Variants in POLD2 observed in about 807,000 individuals in gnomAD.
POLD2 encodes the protein DNA polymerase delta subunit 2.
In POLD2, 31 loss-of-function variants were observed where a neutral mutation model predicts 48.8. The observed-to-expected ratio is 0.64, with a 90% CI of 0.48 to 0.86. The LOEUF is 0.86. Ranked by LOEUF, POLD2 falls within the 40% of genes least tolerant of loss-of-function variation. The pLI, the probability that POLD2 is intolerant of heterozygous loss-of-function variation, is 0.00. For missense variants in POLD2, 455 were observed against 610.1 expected (o/e 0.75, Z 2.68); for synonymous variants, 233 against 256.3 (o/e 0.91, Z 0.87).
chr7:44,116,830 T>C lies in POLD2; in HGVS notation c.767A>G (p.Asp256Gly). ...NLLSHSTQSRDSINKAKYLTK... is the reference protein window; with the variant it reads ...NLLSHSTQSRGSINKAKYLTK... ...TGGGCTCCATACCTTATTGATAGAATCCCTGCTCTGGGTGCTGTGGCTGAG... is the reference window on the plus strand; with the variant it reads ...TGGGCTCCATACCTTATTGATAGAACCCCTGCTCTGGGTGCTGTGGCTGAG... The change falls in exon 6 of 11, where the codon GAT (aspartate) becomes GGT (glycine). Residue 256 changes from aspartate (D) to glycine (G), a missense_variant. Physicochemically the swap from Asp to Gly is moderately conservative, Grantham distance 94. Coordinates refer to ENST00000610533, the MANE Select transcript of POLD2 (RefSeq NM_006230.4). The surrounding 1 kb of genome is among the most constrained non-coding windows in gnomAD (Gnocchi z 6.1). The C allele has an allele frequency of 6.2e-7, 1 of 1,613,722 alleles. No homozygotes were observed. Among genetic ancestry groups the C allele is most frequent in the Non-Finnish European group, 8.5e-7 (1 of 1,179,970 alleles).
chr7:44,118,224 A>T, intron 2 of POLD2, 160 bp from the exon 3 acceptor site: 3 of 804,866 alleles, frequency 3.7e-6, no homozygotes. Context: ...TCACGGTGAC[A>T]GTAAAAAGTG....
chr7:44,117,267 G>T lies in POLD2; in HGVS notation c.467-20C>A. 1 of 1,575,804 alleles carries T rather than the reference G, an allele frequency of 6.3e-7. No individual in the cohort carries two copies. Among genetic ancestry groups the T allele is most frequent in the Non-Finnish European group, 8.7e-7 (1 of 1,147,076 alleles). ...CAGTCCCTGGGGAGCAGTGGCATCA[G>T]GCCTGAGCAGGGAGCCCCAGGTGCT... On this transcript the variant is annotated intron_variant, in intron 4 of 10. Transcript: ENST00000610533.
Position 44,116,964 on chromosome 7 carries a change from G to A in POLD2, c.633C>T (p.Ser211=). 1 of 1,613,534 alleles carries A rather than the reference G, an allele frequency of 6.2e-7. No homozygotes were observed. The highest frequency in any genetic ancestry group is 8.5e-7 in the Non-Finnish European group (1 of 1,179,964). ...CCACCAGCAGCTGGGTGCCCAGCAGGCTCTCGCCTCCACCGCCACCCAGGC... is the reference window on the plus strand; with the variant it reads ...CCACCAGCAGCTGGGTGCCCAGCAGACTCTCGCCTCCACCGCCACCCAGGC... ...GLGLGGGGGE[S]LLGTQLLVDV... Residue 211 remains serine (S), a synonymous_variant, in exon 6 of 11, where the codon AGC becomes AGT. Coordinates refer to ENST00000610533, the MANE Select transcript of POLD2 (RefSeq NM_006230.4). The surrounding 1 kb of genome is among the most constrained non-coding windows in gnomAD (Gnocchi z 6.1).
upstream of POLD2, chr7:44,123,710 A>G (rs1279341814): frequency 1.5e-6 from 2 of 1,344,108 alleles, no homozygotes; most frequent in Non-Finnish European, 1.9e-6. Flanking sequence ...GCGGAGCCAC[A>G]CCCTCGGTTT....
chr7:44,118,003 C>T lies in POLD2; in HGVS notation c.282G>A (p.Val94=). 2.5e-6 allele frequency: 4 copies of T among 1,614,210 alleles called. No homozygotes were observed. Among genetic ancestry groups the T allele is most frequent in the Non-Finnish European group, 3.4e-6 (4 of 1,180,022 alleles). Residue 94 remains valine (V), a synonymous_variant, in exon 3 of 11, where the codon GTG becomes GTA. Transcript: ENST00000610533. ...GCGGCATGGCCTTGAACAGAGTGCC[C>T]ACCACACAGCACTTCTCCTCAGGCT... The part of the protein sequence containing the change: ...ELQPEEKCCV[V]GTLFKAMPLQ...
rs2096241449 is a variant in POLD2 at position 44,117,223 on chromosome 7, G to A, written c.491C>T (p.Ser164Phe). The A allele has an allele frequency of 6.2e-7, 1 of 1,613,892 alleles. No homozygotes were observed. The highest frequency in any genetic ancestry group is 8.5e-7 in the Non-Finnish European group (1 of 1,179,890). ...CAGAAACTTCCCGTCGTCTCTCACG[G>A]AGCCAAACACAGCCAGGACAGTCCC... ...VTGTVLAVFGSVRDDGKFLVE... is the reference protein window; with the variant it reads ...VTGTVLAVFGFVRDDGKFLVE... The change falls in exon 5 of 11, where the codon TCC becomes TTC. Residue 164 changes from serine (S) to phenylalanine (F), a missense_variant. Transcript: ENST00000610533.
intron 9 of POLD2, 128 bp from the exon 10 acceptor site, chr7:44,115,524 C>T: frequency 1.3e-6 from 1 of 746,056 alleles, no homozygotes; most frequent in Non-Finnish European, 2.3e-6. Flanking sequence ...AATAGGGGCA[C>T]CTCCAGACAT....
At chr7:44,114,968 C>A in intron 10 of POLD2, 23 bp from the exon 11 acceptor site, 2 of 1,582,964 alleles carry the variant, frequency 1.3e-6, no homozygotes, top group East Asian at 2.3e-5. Context: ...CACATAGGAC[C>A]CACTGTAGGT....
chr7:44,119,833 G>A (rs1392573985), intron 2 of POLD2, among the ~76,000 whole-genome samples: 1 of 152,234 alleles, frequency 6.6e-6, no homozygotes, highest in Non-Finnish European at 1.5e-5. Flanking sequence ...CAAGTAACTC[G>A]CCACAGTGAC....
In POLD2 at chr7:44,116,220, G is replaced by A. The variant is rs1450813318; in HGVS notation, c.914C>T (p.Thr305Met). 1.1e-5 allele frequency: 17 copies of A among 1,613,392 alleles called. No individual in the cohort carries two copies. The highest frequency in any genetic ancestry group is 5.0e-5 in the Admixed American group (3 of 59,956). Residue 305 changes from threonine (T) to methionine (M), a missense_variant, in exon 8 of 11, where the codon ACG becomes ATG. Physicochemically the swap from Thr to Met is moderately conservative, Grantham distance 81 (BLOSUM62 -1). Coordinates refer to ENST00000610533, the MANE Select transcript of POLD2 (RefSeq NM_006230.4). The surrounding 1 kb of genome is among the most constrained non-coding windows in gnomAD (Gnocchi z 6.1). ...GGGGTGGAGGGGCTGCTGGGGGAGC[G>A]TGTAATTGGTGGGATCAAACTCGCC... The part of the protein sequence containing the change: ...MPGEFDPTNY[T>M]LPQQPLHPCM...
rs2128811352 is a variant in POLD2 at position 44,117,954 on chromosome 7, C to T, written c.331G>A (p.Val111Ile). ...GCACCCTGCCTCACCTCCTCGCTGA[C>T]CTCCCGCAGGATGGAGGGCTGCAGC... is the stretch of plus-strand genomic sequence containing the variant. ...MPLQPSILRE[V>I]SEEHNLLPQP... Residue 111 changes from valine (V) to isoleucine (I), a missense_variant, in exon 3 of 11, where the codon GTC becomes ATC. By Grantham distance (29) the Val-to-Ile change is conservative. This residue lies in a region of POLD2 where 349 missense variants were observed against 437.4 expected (regional missense o/e 0.80). Transcript: ENST00000610533. The T allele has an allele frequency of 1.9e-6, 3 of 1,614,096 alleles. No homozygotes were observed. The highest frequency in any genetic ancestry group is 4.5e-5 in the East Asian group (2 of 44,878).
chr7:44,121,181 G>T lies in POLD2; in HGVS notation c.220+653C>A, dbSNP rs1283149903. ...CCACTCTTATGTAAGTGGTAGGAAT[G>T]GGGGAATGCAGCAGCACCTAAAACT... On this transcript the variant is annotated intron_variant, in intron 2 of 10. Coordinates refer to ENST00000610533, the MANE Select transcript of POLD2 (RefSeq NM_006230.4). The surrounding 1 kb of genome is among the most constrained non-coding windows in gnomAD (Gnocchi z 4.5). Among the ~76,000 whole-genome samples, 2 of 152,328 alleles carry T rather than the reference G, an allele frequency of 1.3e-5. No individual in the cohort carries two copies. The highest frequency in any genetic ancestry group is 1.5e-5 in the Non-Finnish European group (1 of 68,034).
Position 44,120,590 on chromosome 7 carries a change from G to C in POLD2, c.220+1244C>G, listed in dbSNP as rs1184786329. Among the ~76,000 whole-genome samples the C allele has an allele frequency of 2.0e-5, 3 of 152,308 alleles. No homozygotes were observed. In the East Asian group the frequency reaches 5.8e-4, roughly 29 times the overall value. ...GAATTATAATCCACACGGTGTTGAC[G>C]GAGGGACCTGGTGGGAGGTGACTGG... On this transcript the variant is annotated intron_variant, in intron 2 of 10. Transcript: ENST00000610533.
Position 44,117,169 on chromosome 7 carries a change from G to A in POLD2, c.545C>T (p.Ala182Val), listed in dbSNP as rs762758628. The change falls in exon 5 of 11, where the codon GCT becomes GTT. Residue 182 changes from alanine to valine, a missense_variant. By Grantham distance (64) the Ala-to-Val change is moderately conservative. Transcript: ENST00000610533. ...LVEDYCFADL[A>V]PQKPAPPLDT... ...AAGTGGGGGTGCGGGCTTCTGGGGAGCAAGGTCAGCAAAGCAATAGTCCTC... is the reference window on the plus strand; with the variant it reads ...AAGTGGGGGTGCGGGCTTCTGGGGAACAAGGTCAGCAAAGCAATAGTCCTC... 8 of 1,613,964 alleles carry A rather than the reference G, an allele frequency of 5.0e-6. No individual in the cohort carries two copies. The highest frequency in any genetic ancestry group is 1.3e-5 in the African/African-American group (1 of 74,910).
At chr7:44,115,160 G>A in intron 10 of POLD2, 135 bp downstream of exon 10, 2 of 775,394 alleles carry the variant, frequency 2.6e-6, no homozygotes, top group Non-Finnish European at 4.4e-6. Context: ...AATGGCAGCT[G>A]TGCAGAAGAC....
Position 44,115,314 on chromosome 7 carries a change from AAAGCTGGGGGTGTTGCC to A in POLD2, c.1213_1229del (p.Gly405TrpfsTer9). 6.2e-7 allele frequency: 1 copy of A among 1,613,464 alleles called. No homozygotes were observed. Among genetic ancestry groups the A allele is most frequent in the Non-Finnish European group, 8.5e-7 (1 of 1,179,316 alleles). ...AATTACCTCGGATGATTTTGGAGCCAAAGCTGGGGGTGTTGCCACAAAAGTAGACATGCGGGCACTCT... is the reference window on the plus strand; with the variant it reads ...AATTACCTCGGATGATTTTGGAGCCAACAAAAGTAGACATGCGGGCACTCT... On this transcript the variant is annotated frameshift_variant, in exon 10 of 11. Coordinates refer to ENST00000610533, the MANE Select transcript of POLD2 (RefSeq NM_006230.4). LOFTEE classifies it high-confidence loss of function.
At chr7:44,117,513 G>A in intron 4 of POLD2, 106 bp downstream of exon 4, 2 of 1,404,412 alleles carry the variant, frequency 1.4e-6, no homozygotes, top group Non-Finnish European at 1.9e-6. Flanking sequence ...GTGTGCCCAG[G>A]CCACACCCCC....
rs201996821 is a variant in POLD2 at position 44,116,314 on chromosome 7, G to A, written c.862-42C>T. ...AGGGAGAGCTCACAGGGCCCCGAAG[G>A]AGCCCCCTACACCAACTCCGGCCAC... is the stretch of plus-strand genomic sequence containing the variant. On this transcript the variant is annotated intron_variant, in intron 7 of 10. Coordinates refer to ENST00000610533, the MANE Select transcript of POLD2 (RefSeq NM_006230.4). The surrounding 1 kb of genome is among the most constrained non-coding windows in gnomAD (Gnocchi z 6.1). 7.2e-5 allele frequency: 115 copies of A among 1,596,624 alleles called. No individual in the cohort carries two copies. The African/African-American group carries it at 1.2e-3, about 16-fold the overall frequency.
intron 4 of POLD2, 74 bp downstream of exon 4, chr7:44,117,545 C>T (rs2096242109): frequency 1.3e-6 from 2 of 1,536,880 alleles, no homozygotes; most frequent in African/African-American, 1.4e-5. Context: ...AGGCTCCCCA[C>T]TCACACCATC....
Sources: allele counts gnomAD v4.1 joint callset (sites outside exome capture counted in the v4.1 genomes callset), GRCh38; gene constraint gnomAD v4.1.1; regional missense constraint gnomAD v4.1.1; non-coding constraint Gnocchi (gnomAD v3.1); transcripts MANE v1.5; gene names NCBI Gene and HGNC (gene_info 2026-07-23, HGNC 2026-07-21).